RORC: variants seen among roughly 807,000 people sequenced by gnomAD.
The protein encoded by RORC is nuclear receptor ROR-gamma.
In RORC, 13 loss-of-function variants were observed where a neutral mutation model predicts 64.5. The ratio of observed to expected loss-of-function variants is 0.20; its 90% confidence interval spans 0.13 to 0.32. The LOEUF (loss-of-function observed/expected upper bound fraction) is 0.32, where lower values mean the gene tolerates loss of function less well. Ranked by LOEUF, RORC falls within the 10% of genes least tolerant of loss-of-function variation. RORC has a pLI of 1.00. For missense variants in RORC, 468 were observed against 669.5 expected (o/e 0.70, Z 3.32); for synonymous variants, 277 against 259.3 (o/e 1.07, Z -0.65).
At position 151,811,271 on chromosome 1, in the gene RORC, T is replaced by C. The variant is rs528520030; in HGVS notation, c.1395+54A>G. The C allele has an allele frequency of 1.5e-4, 175 of 1,184,322 alleles. 1 individual carries two copies. In the East Asian group the frequency reaches 2.7e-3, roughly 18 times the overall value. 73.4% of individuals were successfully genotyped at this position (1,184,322 alleles called of 1,614,324 possible). On this transcript the variant is annotated intron_variant, in intron 10 of 10. Transcript: ENST00000318247. ...AGACCCCGGCCCTCGCAAACTCTGA[T>C]GTTACAGAGCTAGCGATGGGCCTGG...
chr1:151,821,210 C>G (rs1408220555), intron 2 of RORC, among the ~76,000 whole-genome samples: 1 of 152,176 alleles, frequency 6.6e-6, no homozygotes, highest in Non-Finnish European at 1.5e-5. Flanking sequence ...ACCCTGGGCC[C>G]TGTCCAGGTG....
intron 10 of RORC, among the ~76,000 whole-genome samples, chr1:151,809,745 C>T (rs940555817): frequency 1.3e-5 from 2 of 152,188 alleles, no homozygotes; most frequent in African/African-American, 4.8e-5. Context: ...GAGCACAGAC[C>T]GTGTAAGTCA....
At chr1:151,812,049 C>T (rs2101654567) in intron 9 of RORC, 1 of 152,254 alleles carries the variant, frequency 6.6e-6, no homozygotes, top group Non-Finnish European at 1.5e-5. Flanking sequence ...CTGGCTCAGC[C>T]CAGCTACTCC....
At chr1:151,824,658 G>A (rs1020672137) in intron 2 of RORC, among the ~76,000 whole-genome samples, 10 of 152,220 alleles carry the variant, frequency 6.6e-5, no homozygotes, top group African/African-American at 2.4e-4. Context: ...ACCTCTGGGA[G>A]AGCTGAGTCT....
chr1:151,822,341 T>C (rs1025548711), intron 2 of RORC, among the ~76,000 whole-genome samples: 1 of 152,190 alleles, frequency 6.6e-6, no homozygotes, highest in Non-Finnish European at 1.5e-5. Context: ...TGGTTCTACC[T>C]GGCGAACACT....
rs971776719 is a variant in RORC at position 151,816,951 on chromosome 1, C to T, written c.157-146G>A. 22 of 971,056 alleles carry T rather than the reference C, an allele frequency of 2.3e-5. No homozygotes were observed. The African/African-American group carries it at 3.3e-4, about 15-fold the overall frequency. The allele number at this position is 971,056 out of a possible 1,614,324, so 60.2% of individuals were successfully genotyped here. Reference sequence around the variant, plus strand: ...TCTCCTCCATCTATTTGTGTAATTGCAATTTATCCTGTAGTCATTTCCCCA... The same window carrying T: ...TCTCCTCCATCTATTTGTGTAATTGTAATTTATCCTGTAGTCATTTCCCCA... On this transcript the variant is annotated intron_variant, in intron 3 of 10. Coordinates refer to ENST00000318247, the MANE Select transcript of RORC (RefSeq NM_005060.4).
intron 2 of RORC, among the ~76,000 whole-genome samples, chr1:151,821,431 A>G (rs1651990981): frequency 6.6e-6 from 1 of 152,162 alleles, no homozygotes; most frequent in East Asian, 1.9e-4. Flanking sequence ...CTTTTTCTCC[A>G]GTGGATACTG....
At position 151,830,863 on chromosome 1, in the gene RORC, C is replaced by T. The variant is rs1305843557; in HGVS notation, c.40+862G>A. The stretch of plus-strand genomic sequence containing the variant: ...CCCAGCTTCCTCCCTGACGTGGCAC[C>T]GGCTCCTGGCCTCTAGCCTTGCACC... On this transcript the variant is annotated intron_variant, in intron 1 of 10. Coordinates refer to ENST00000318247, the MANE Select transcript of RORC (RefSeq NM_005060.4). The surrounding 1 kb of genome is among the most constrained non-coding windows in gnomAD (Gnocchi z 4.0). 4.3e-5 allele frequency: 47 copies of T among 1,105,586 alleles called. No individual in the cohort carries two copies. Among genetic ancestry groups the T allele is most frequent in the African/African-American group, 8.1e-5 (5 of 62,024 alleles). The allele number at this position is 1,105,586 out of a possible 1,614,324, so 68.5% of individuals were successfully genotyped here.
At chr1:151,823,509 C>T (rs1051437140) in intron 2 of RORC, among the ~76,000 whole-genome samples, 6 of 152,188 alleles carry the variant, frequency 3.9e-5, no homozygotes, top group African/African-American at 1.4e-4. Context: ...TCCCTCTTAC[C>T]GCTTGCCTAG....
intron 10 of RORC, among the ~76,000 whole-genome samples, chr1:151,808,975 A>G (rs953595030): frequency 1.3e-5 from 2 of 152,160 alleles, no homozygotes; most frequent in African/African-American, 4.8e-5. Context: ...TGTGGCTGCA[A>G]TGGGTGTTTG....
chr1:151,814,661 C>T lies in RORC; in HGVS notation c.846G>A (p.Arg282=), dbSNP rs267598018. Residue 282 remains arginine, a synonymous_variant, in exon 6 of 11, where the codon AGG becomes AGA. Transcript: ENST00000318247. The part of the protein sequence containing the change: ...HLVQSVCKSY[R]ETCQLRLEDL... Reference sequence around the variant, plus strand: ...CCTCCAGCCGCAGCTGGCATGTCTCCCTGTAGGACTTGCAGACGCTCTGCA... The same window carrying T: ...CCTCCAGCCGCAGCTGGCATGTCTCTCTGTAGGACTTGCAGACGCTCTGCA... 6.2e-7 allele frequency: 1 copy of T among 1,612,678 alleles called. No individual in the cohort carries two copies. Among genetic ancestry groups the T allele is most frequent in the Non-Finnish European group, 8.5e-7 (1 of 1,179,134 alleles).
At position 151,814,970 on chromosome 1, in the gene RORC, C is replaced by T. The variant is rs200227947; in HGVS notation, c.754G>A (p.Gly252Ser). The T allele has an allele frequency of 9.0e-5, 146 of 1,614,028 alleles. No individual in the cohort carries two copies. Among genetic ancestry groups the T allele is most frequent in the Non-Finnish European group, 1.1e-4 (133 of 1,180,012 alleles). ...GELGQGPDSY[G>S]SPSFRSTPEA... ...GGTGTGCTGCGGAAACTGGGGCTGC[C>T]GTAGCTGTCTGGGCCCTGTCCCAGT... The change falls in exon 5 of 11, where the codon GGC (glycine) becomes AGC (serine). Residue 252 changes from glycine (G) to serine (S), a missense_variant. Coordinates refer to ENST00000318247, the MANE Select transcript of RORC (RefSeq NM_005060.4).
intron 2 of RORC, 74 bp downstream of exon 2, chr1:151,829,355 C>T: frequency 5.7e-6 from 8 of 1,412,894 alleles, no homozygotes; most frequent in Non-Finnish European, 5.7e-6. Flanking sequence ...TCAGTCCCCC[C>T]ACAGATCACT....
At chr1:151,827,436 T>C (rs1466476943) in intron 2 of RORC, among the ~76,000 whole-genome samples, 1 of 152,010 alleles carries the variant, frequency 6.6e-6, no homozygotes. Flanking sequence ...CTCAGCCTCT[T>C]AGGTGCTTTG....
chr1:151,819,595 G>A (rs953307179), intron 2 of RORC, among the ~76,000 whole-genome samples: 1 of 152,136 alleles, frequency 6.6e-6, no homozygotes, highest in African/African-American at 2.4e-5. Flanking sequence ...GTGGGAACTC[G>A]GGCTCTGGCC....
chr1:151,808,360 G>T (rs539266523), intron 10 of RORC, among the ~76,000 whole-genome samples: 3 of 152,202 alleles, frequency 2.0e-5, no homozygotes, highest in Non-Finnish European at 4.4e-5. Flanking sequence ...GTGAGCAGAC[G>T]GAGGCAGGGA....
chr1:151,826,682 T>A (rs1217505861), intron 2 of RORC, among the ~76,000 whole-genome samples: 4 of 152,194 alleles, frequency 2.6e-5, no homozygotes, highest in Non-Finnish European at 5.9e-5. Context: ...AGAAATTTCC[T>A]TAGGAGCCAA....
At position 151,814,558 on chromosome 1, in the gene RORC, G is replaced by C. The variant is rs1366848795; in HGVS notation, c.933+16C>G. 6.2e-7 allele frequency: 1 copy of C among 1,605,022 alleles called. No homozygotes were observed. The highest frequency in any genetic ancestry group is 1.1e-5 in the South Asian group (1 of 90,146). ...GGGTGGGATACGTTCCCTTCCTGCA[G>C]GTCTCCTGGCCTCACCTTCCTCTGG... On this transcript the variant is annotated intron_variant, in intron 6 of 10. Transcript: ENST00000318247.
At chr1:151,814,553 C>T in intron 6 of RORC, 21 bp downstream of exon 6, 1 of 1,603,190 alleles carries the variant, frequency 6.2e-7, no homozygotes, top group Non-Finnish European at 8.5e-7. Context: ...CGTTCCCTTC[C>T]TGCAGGTCTC....
Sources: gnomAD v4.1 joint callset for allele counts (sites outside exome capture counted in the v4.1 genomes callset) on GRCh38, gnomAD v4.1.1 for gene constraint, Gnocchi (gnomAD v3.1) non-coding constraint, MANE v1.5 for transcripts, NCBI Gene and HGNC (gene_info 2026-07-23, HGNC 2026-07-21) for gene names.